The following ANKRD6 variants were observed in gnomAD, a reference collection of about 807,000 sequenced individuals.
ANKRD6 encodes ankyrin repeat domain-containing protein 6.
In ANKRD6, 56 loss-of-function variants were observed where a neutral mutation model predicts 82.3. The ratio of observed to expected loss-of-function variants is 0.68; its 90% CI spans 0.55 to 0.85. The LOEUF (loss-of-function observed/expected upper bound fraction) is 0.85, where lower values mean the gene tolerates loss of function less well. ANKRD6 is among the 40% of genes least tolerant of loss of function. The pLI, the probability that ANKRD6 is intolerant of heterozygous loss-of-function variation, is 0.00. For missense variants in ANKRD6, 852 were observed against 907.6 expected, an observed-to-expected ratio of 0.94 and a Z score of 0.79; for synonymous variants, 347 against 352.1, an observed-to-expected ratio of 0.99 and a Z score of 0.16.
intron 1 of ANKRD6, among the ~76,000 whole-genome samples, chr6:89,536,993 T>G (rs953414557): frequency 3.9e-5 from 6 of 152,180 alleles, no homozygotes; most frequent in African/African-American, 1.4e-4. Flanking sequence ...CAGTTTTTTT[T>G]TAAAGCAATT....
chr6:89,530,622 G>T lies in ANKRD6; in HGVS notation c.-143-36212G>T, dbSNP rs1783029787. Among the ~76,000 whole-genome samples, 2 of 152,174 alleles carry T rather than the reference G, an allele frequency of 1.3e-5. 1 individual carries two copies. The highest frequency in any genetic ancestry group is 4.1e-4 in the South Asian group (2 of 4,830). ...ATCAATGGTGTTCATTTTGTGCAGT[G>T]CCCAGACAGCACCAGGCTGGCCACT... is the stretch of plus-strand genomic sequence containing the variant. On this transcript the variant is annotated intron_variant, in intron 1 of 15. Transcript: ENST00000339746.
chr6:89,588,994 C>CAAAAAAAAAAA (rs34892881), intron 2 of ANKRD6, among the ~76,000 whole-genome samples: 1 of 48,300 alleles, frequency 2.1e-5, no homozygotes, highest in Admixed American at 2.3e-4. Context: ...GACTCTGTCT[C>CAAAAAAAAAAA]AAAAAAAAAA....
rs1789772098 is a variant in ANKRD6 at position 89,571,093 on chromosome 6, C to G, written c.120+3997C>G. 2.6e-5 allele frequency among the ~76,000 whole-genome samples: 4 copies of G among 152,100 alleles called. No individual in the cohort carries two copies. The South Asian group carries it at 8.3e-4, about 32-fold the overall frequency. On this transcript the variant is annotated intron_variant, in intron 2 of 15. Transcript: ENST00000339746. ...TTGAGTCGGAGTCTCGCTCTGTCGC[C>G]CAGGCTGGGGTGCAGTGGTGCTATC...
At chr6:89,475,750 TGTG>T (rs1775967365) in intron 1 of ANKRD6, among the ~76,000 whole-genome samples, 2 of 152,216 alleles carry the variant, frequency 1.3e-5, no homozygotes, top group Admixed American at 1.3e-4. Flanking sequence ...GATTCCCAGA[TGTG>T]GAAATGCTCA....
intron 2 of ANKRD6, among the ~76,000 whole-genome samples, chr6:89,572,067 C>G (rs566687083): frequency 6.6e-6 from 1 of 152,104 alleles, no homozygotes; most frequent in Non-Finnish European, 1.5e-5. Flanking sequence ...TAGTTATATG[C>G]GTTTAAGGTT....
In ANKRD6 at chr6:89,507,219, AT is replaced by A. The variant is rs538076782; in HGVS notation, c.-143-59607del. On this transcript the variant is annotated intron_variant, in intron 1 of 15. Coordinates refer to ENST00000339746, the MANE Select transcript of ANKRD6 (RefSeq NM_001242809.2). ...GGTCTGTATTTCTGTTAAACACATA[AT>A]TTTTTTTATGGTTCATATCATTACA... Among the ~76,000 whole-genome samples, 37 of 152,138 alleles carry A rather than the reference AT, an allele frequency of 2.4e-4. No homozygotes were observed. In the South Asian group the frequency reaches 4.8e-3, roughly 20 times the overall value.
At chr6:89,547,022 C>T (rs1367661978) in intron 1 of ANKRD6, among the ~76,000 whole-genome samples, 5 of 152,206 alleles carry the variant, frequency 3.3e-5, no homozygotes, top group South Asian at 2.1e-4. Flanking sequence ...AATGCAGTGA[C>T]GTGATCACGG....
At chr6:89,499,925 TGGAGA>T (rs2127881974) in intron 1 of ANKRD6, among the ~76,000 whole-genome samples, 1 of 152,208 alleles carries the variant, frequency 6.6e-6, no homozygotes, top group African/African-American at 2.4e-5. Flanking sequence ...CAAAGAGTAA[TGGAGA>T]CAAAAAGCAT....
intron 15 of ANKRD6, 27 bp downstream of exon 15, chr6:89,629,265 G>C (rs769470226): frequency 1.2e-6 from 2 of 1,613,346 alleles, no homozygotes; most frequent in Admixed American, 3.3e-5. Context: ...GAGCCCTTTT[G>C]TCCAAAAGGA....
chr6:89,617,784 T>G (rs1359659111), intron 8 of ANKRD6, among the ~76,000 whole-genome samples, 170 bp from the exon 9 acceptor site: 1 of 152,246 alleles, frequency 6.6e-6, no homozygotes, highest in Non-Finnish European at 1.5e-5. Flanking sequence ...CTGGAGGGTC[T>G]GAGGCTGATG....
intron 1 of ANKRD6, among the ~76,000 whole-genome samples, chr6:89,526,045 G>T (rs1782461205): frequency 6.6e-6 from 1 of 152,220 alleles, no homozygotes; most frequent in African/African-American, 2.4e-5. Flanking sequence ...GGAATTCGGG[G>T]CTGTGCCCGC....
chr6:89,510,346 G>A (rs1212324600), intron 1 of ANKRD6, among the ~76,000 whole-genome samples: 3 of 151,574 alleles, frequency 2.0e-5, no homozygotes, highest in Admixed American at 6.6e-5. Flanking sequence ...GGGCACATTA[G>A]CAAATAGGTT....
intron 1 of ANKRD6, among the ~76,000 whole-genome samples, chr6:89,564,059 AAGG>A (rs1312936405): frequency 6.6e-6 from 1 of 152,198 alleles, no homozygotes; most frequent in Admixed American, 6.5e-5. Flanking sequence ...AGATCCTAGT[AAGG>A]AGGCGATTAC....
At chr6:89,582,985 A>G (rs752797942) in intron 2 of ANKRD6, among the ~76,000 whole-genome samples, 7 of 152,212 alleles carry the variant, frequency 4.6e-5, no homozygotes, top group Non-Finnish European at 1.5e-5. Context: ...TGGAGACACA[A>G]AAGTCAGTGG....
intron 1 of ANKRD6, among the ~76,000 whole-genome samples, chr6:89,441,847 G>A (rs1313996896): frequency 1.3e-5 from 2 of 151,276 alleles, no homozygotes; most frequent in African/African-American, 4.9e-5. Context: ...GGTCAGGCTG[G>A]TCTTGAACTC....
rs145365446 is a variant in ANKRD6 at position 89,457,058 on chromosome 6, G to T, written c.-144+23683G>T. ...GGGTGGGATGGTTCCCTTCTAAGAT[G>T]GTGCATTCACATGGTTGGGATGTTG... On this transcript the variant is annotated intron_variant, in intron 1 of 15. Transcript: ENST00000339746. Among the ~76,000 whole-genome samples the T allele has an allele frequency of 2.1e-3, 314 of 152,318 alleles. 1 individual carries two copies. Among genetic ancestry groups the T allele is most frequent in the Admixed American group, 3.4e-3 (52 of 15,304 alleles).
rs758702051 is a variant in ANKRD6 at position 89,616,514 on chromosome 6, G to A, written c.616-45G>A. 1.0e-4 allele frequency: 164 copies of A among 1,584,412 alleles called. No individual in the cohort carries two copies. In the East Asian group the frequency reaches 1.6e-3, roughly 15 times the overall value. On this transcript the variant is annotated intron_variant, in intron 7 of 15. Coordinates refer to ENST00000339746, the MANE Select transcript of ANKRD6 (RefSeq NM_001242809.2). Reference sequence around the variant, plus strand: ...AGGTAATGAAAAGCTGGGGGCTGTAGGCCATGAGCAGATGAGGTTTAGCAG... The same window carrying A: ...AGGTAATGAAAAGCTGGGGGCTGTAAGCCATGAGCAGATGAGGTTTAGCAG...
chr6:89,449,688 G>A (rs1238945231), intron 1 of ANKRD6, among the ~76,000 whole-genome samples: 1 of 152,112 alleles, frequency 6.6e-6, no homozygotes, highest in Non-Finnish European at 1.5e-5. Flanking sequence ...AAACCAATGA[G>A]CTCTGTTTTC....
intron 1 of ANKRD6, among the ~76,000 whole-genome samples, chr6:89,530,398 A>T (rs1782997939): frequency 6.6e-6 from 1 of 152,222 alleles, no homozygotes; most frequent in African/African-American, 2.4e-5. Context: ...TGTTTAAAAA[A>T]AAAAAAAAGT....
Sources: allele counts gnomAD v4.1 joint callset (sites outside exome capture counted in the v4.1 genomes callset), GRCh38; gene constraint gnomAD v4.1.1; transcripts MANE v1.5; gene names NCBI Gene and HGNC (gene_info 2026-07-23, HGNC 2026-07-21).